The following CSMD1 variants were observed in gnomAD, a reference collection of about 807,000 sequenced individuals.
CSMD1 encodes the protein CUB and Sushi multiple domains 1.
In CSMD1, 213 loss-of-function variants were observed where a neutral mutation model predicts 417.5. The ratio of observed to expected loss-of-function variants is 0.51; its 90% confidence interval spans 0.46 to 0.57. The LOEUF (loss-of-function observed/expected upper bound fraction) is 0.57. CSMD1 is among the 20% of genes least tolerant of loss of function. The probability of loss-of-function intolerance (pLI) is 0.00; values close to 1 mark genes in which losing one functional copy is unlikely to be tolerated. For missense variants in CSMD1, 6,923 were observed against 4,529.7 expected (o/e 1.53, Z -15.17); for synonymous variants, 2,862 against 1,736.8 (o/e 1.65, Z -16.11).
At chr8:3,360,937 A>G (rs764590523) in intron 20 of CSMD1, among the ~76,000 whole-genome samples, 4 of 150,580 alleles carry the variant, frequency 2.7e-5, no homozygotes, top group Non-Finnish European at 4.4e-5. Context: ...AAAAACTTTT[A>G]TGGAACTCTG....
chr8:4,611,359 T>C (rs1006859641), intron 2 of CSMD1, among the ~76,000 whole-genome samples: 4 of 152,232 alleles, frequency 2.6e-5, no homozygotes, highest in African/African-American at 9.6e-5. Flanking sequence ...GGTTATCCGA[T>C]GCTGGGTCTA....
intron 7 of CSMD1, among the ~76,000 whole-genome samples, chr8:3,658,542 G>C (rs950601787): frequency 6.6e-6 from 1 of 150,792 alleles, no homozygotes; most frequent in Admixed American, 6.6e-5. Flanking sequence ...CAGCACTTTG[G>C]GAGGCCAAGG....
chr8:3,062,163 T>C (rs773056957), intron 49 of CSMD1, among the ~76,000 whole-genome samples: 11 of 152,216 alleles, frequency 7.2e-5, no homozygotes, highest in Non-Finnish European at 1.5e-4. Flanking sequence ...CTTTTTTTTC[T>C]ATTTTCCTCC....
intron 59 of CSMD1, among the ~76,000 whole-genome samples, chr8:2,964,306 C>T (rs1803759730): frequency 1.3e-5 from 2 of 152,208 alleles, no homozygotes; most frequent in South Asian, 4.1e-4. Context: ...CCTTCCCTCA[C>T]CACTCCACCT....
intron 3 of CSMD1, among the ~76,000 whole-genome samples, chr8:4,386,808 G>C (rs768703349): frequency 7.9e-5 from 12 of 152,142 alleles, no homozygotes; most frequent in Admixed American, 3.9e-4. Context: ...AAATATTCTG[G>C]GCTCTTGGGA....
chr8:4,450,654 T>C (rs953211128), intron 2 of CSMD1, among the ~76,000 whole-genome samples: 1 of 152,124 alleles, frequency 6.6e-6, no homozygotes, highest in African/African-American at 2.4e-5. Flanking sequence ...TTTGGTACTT[T>C]GATGCAGTAT....
intron 5 of CSMD1, among the ~76,000 whole-genome samples, chr8:3,760,651 G>A (rs1352378268): frequency 2.0e-5 from 3 of 152,136 alleles, no homozygotes; most frequent in Non-Finnish European, 1.5e-5. Flanking sequence ...TCAATTTATG[G>A]GGATAATTTT....
intron 1 of CSMD1, among the ~76,000 whole-genome samples, chr8:4,940,267 G>A (rs560139524): frequency 2.3e-4 from 35 of 152,302 alleles, no homozygotes; most frequent in African/African-American, 7.0e-4. Flanking sequence ...GCAGTTAACA[G>A]TCCATTGAGT....
At chr8:3,848,820 A>G (rs1427686710) in intron 5 of CSMD1, among the ~76,000 whole-genome samples, 1 of 152,088 alleles carries the variant, frequency 6.6e-6, no homozygotes, top group African/African-American at 2.4e-5. Flanking sequence ...TTAAAGAAAA[A>G]GTGGTACTTT....
chr8:4,358,279 C>G (rs1278058349), intron 3 of CSMD1, among the ~76,000 whole-genome samples: 1 of 152,138 alleles, frequency 6.6e-6, no homozygotes, highest in Non-Finnish European at 1.5e-5. Context: ...GGGTGTGGAG[C>G]GCGGCCATGG....
At chr8:4,820,099 A>G (rs773456838) in intron 1 of CSMD1, among the ~76,000 whole-genome samples, 4 of 152,122 alleles carry the variant, frequency 2.6e-5, no homozygotes, top group Admixed American at 6.6e-5. Context: ...AAAGCCACCT[A>G]AGGCAAATCT....
At chr8:4,000,107 G>A (rs1815550451) in intron 4 of CSMD1, among the ~76,000 whole-genome samples, 2 of 152,186 alleles carry the variant, frequency 1.3e-5, no homozygotes, top group South Asian at 4.1e-4. Flanking sequence ...CCTGCCCCCC[G>A]CCCTCCGTGG....
intron 3 of CSMD1, among the ~76,000 whole-genome samples, chr8:4,403,904 A>G (rs956193012): frequency 3.3e-5 from 5 of 152,284 alleles, no homozygotes; most frequent in Middle Eastern, 6.8e-3. Context: ...TCCCCTACCC[A>G]CACCCGCATT....
chr8:3,351,138 G>T (rs752411153), intron 21 of CSMD1, among the ~76,000 whole-genome samples: 1 of 152,164 alleles, frequency 6.6e-6, no homozygotes, highest in Non-Finnish European at 1.5e-5. Flanking sequence ...ATTTCTCAGT[G>T]AATATGTAAT....
intron 3 of CSMD1, among the ~76,000 whole-genome samples, chr8:4,128,266 T>A (rs147225829): frequency 3.3e-5 from 5 of 152,058 alleles, no homozygotes; most frequent in Non-Finnish European, 5.9e-5. Flanking sequence ...CGTGGAGGAA[T>A]GCATGAGTAA....
intron 12 of CSMD1, among the ~76,000 whole-genome samples, chr8:3,426,074 G>T (rs1419488725): frequency 6.6e-6 from 1 of 152,314 alleles, no homozygotes; most frequent in African/African-American, 2.4e-5. Context: ...CTGTGAAAAT[G>T]TAAAAAAGCA....
At chr8:3,166,853 C>A (rs1820251519) in intron 37 of CSMD1, among the ~76,000 whole-genome samples, 1 of 152,098 alleles carries the variant, frequency 6.6e-6, no homozygotes, top group African/African-American at 2.4e-5. Context: ...GCAGAGATAT[C>A]TGGGAAAAAG....
chr8:4,822,024 A>G (rs1175821452), intron 1 of CSMD1, among the ~76,000 whole-genome samples: 1 of 152,128 alleles, frequency 6.6e-6, no homozygotes, highest in Non-Finnish European at 1.5e-5. Context: ...CATCACTACT[A>G]TGGGAATTAT....
intron 5 of CSMD1, among the ~76,000 whole-genome samples, chr8:3,860,185 G>T (rs904726512): frequency 7.9e-5 from 12 of 152,116 alleles, no homozygotes; most frequent in Non-Finnish European, 1.8e-4. Flanking sequence ...TAGAAAGTTT[G>T]AGTGATTCAT....
Sources: gnomAD v4.1 joint callset for allele counts (sites outside exome capture counted in the v4.1 genomes callset) on GRCh38, gnomAD v4.1.1 for gene constraint, MANE v1.5 for transcripts, NCBI Gene and HGNC (gene_info 2026-07-23, HGNC 2026-07-21) for gene names.